SLC16A1: variants seen among roughly 807,000 people sequenced by gnomAD.
The protein encoded by SLC16A1 is solute carrier family 16 member 1, also known as monocarboxylate transporter 1.
Under a neutral mutation model 32.2 loss-of-function variants are expected in SLC16A1, and 11 were observed. That is an observed-to-expected ratio of 0.34 (90% CI 0.21 to 0.56). SLC16A1 has a LOEUF of 0.56. Among genes scored for constraint, SLC16A1 ranks in the 20% least tolerant of loss-of-function variants. The pLI is 0.87. For synonymous variants in SLC16A1, 231 were observed against 226.8 expected, an observed-to-expected ratio of 1.02 and a Z score of -0.17; for missense variants, 435 against 615.0, an observed-to-expected ratio of 0.71 and a Z score of 3.10.
chr1:112,923,260 G>A (rs1388318933), intron 2 of SLC16A1, among the ~76,000 whole-genome samples: 3 of 39,128 alleles, frequency 7.7e-5, no homozygotes, highest in African/African-American at 1.8e-4. Context: ...TGGAGGTTGC[G>A]GTGAGCCATT....
chr1:112,945,067 C>T (rs953922054), intron 1 of SLC16A1, among the ~76,000 whole-genome samples: 2 of 149,718 alleles, frequency 1.3e-5, no homozygotes, highest in African/African-American at 2.5e-5. Flanking sequence ...GGCGTGATCT[C>T]GGCTCATTGA....
chr1:112,946,824 A>C lies in SLC16A1; in HGVS notation c.-45+9211T>G, dbSNP rs1249918481. On this transcript the variant is annotated intron_variant, in intron 1 of 4. Coordinates refer to ENST00000369626, the MANE Select transcript of SLC16A1 (RefSeq NM_003051.4). The stretch of plus-strand genomic sequence containing the variant: ...CAACTCAGCCTCCCAAAGCGCTGGG[A>C]GAAAGAACTTATCAATCTTGTTTTC... 2.0e-5 allele frequency among the ~76,000 whole-genome samples: 3 copies of C among 152,224 alleles called. No individual in the cohort carries two copies. The East Asian group carries it at 5.8e-4, about 29-fold the overall frequency.
At chr1:112,931,263 G>A (rs1267930365) in intron 1 of SLC16A1, among the ~76,000 whole-genome samples, 1 of 151,984 alleles carries the variant, frequency 6.6e-6, no homozygotes, top group Admixed American at 6.6e-5. Flanking sequence ...TTTGATTCAA[G>A]GTATTTTTCC....
At chr1:112,915,418 A>G (rs1648466688) in intron 4 of SLC16A1, among the ~76,000 whole-genome samples, 1 of 152,176 alleles carries the variant, frequency 6.6e-6, no homozygotes, top group African/African-American at 2.4e-5. Context: ...TTGCTGGGGC[A>G]CAGAGAGCAG....
chr1:112,949,543 C>T (rs1277539308), intron 1 of SLC16A1, among the ~76,000 whole-genome samples: 6 of 152,146 alleles, frequency 3.9e-5, no homozygotes, highest in Non-Finnish European at 8.8e-5. Flanking sequence ...TGCCGTGTTG[C>T]TTCACAGGTT....
intron 3 of SLC16A1, among the ~76,000 whole-genome samples, chr1:112,919,309 C>T (rs1403264420): frequency 6.6e-6 from 1 of 152,182 alleles, no homozygotes; most frequent in Non-Finnish European, 1.5e-5. Flanking sequence ...GCTGGGATTA[C>T]AGGCGTAAGC....
chr1:112,924,120 G>A (rs951296191), intron 2 of SLC16A1: 81 of 1,389,896 alleles, frequency 5.8e-5, no homozygotes, highest in Non-Finnish European at 7.9e-5. Context: ...CGCGTATGGC[G>A]CCAGCGCCCC....
chr1:112,942,955 C>A (rs1240701287), intron 1 of SLC16A1, among the ~76,000 whole-genome samples: 1 of 151,198 alleles, frequency 6.6e-6, no homozygotes, highest in East Asian at 1.9e-4. Flanking sequence ...TATGCACGCA[C>A]TTGTGTGTAT....
intron 3 of SLC16A1, 127 bp downstream of exon 3, chr1:112,921,863 C>T: frequency 1.7e-6 from 2 of 1,172,036 alleles, no homozygotes; most frequent in Non-Finnish European, 2.5e-6. Context: ...TCTAGTTCTT[C>T]AAAATGATAA....
intron 4 of SLC16A1, among the ~76,000 whole-genome samples, chr1:112,916,876 C>T (rs994293182): frequency 1.3e-5 from 2 of 152,116 alleles, no homozygotes; most frequent in Non-Finnish European, 2.9e-5. Flanking sequence ...TTGCAGTGAG[C>T]TGAGATGGTG....
At chr1:112,948,430 C>A (rs983305685) in intron 1 of SLC16A1, among the ~76,000 whole-genome samples, 10 of 152,028 alleles carry the variant, frequency 6.6e-5, no homozygotes, top group Admixed American at 6.5e-4. Flanking sequence ...GACTATGCTG[C>A]CATTAAGATA....
chr1:112,949,110 A>G (rs1341740421), intron 1 of SLC16A1, among the ~76,000 whole-genome samples: 1 of 147,530 alleles, frequency 6.8e-6, no homozygotes, highest in Non-Finnish European at 1.5e-5. Flanking sequence ...CCTGCCTCGC[A>G]CTCCCAAAGT....
intron 1 of SLC16A1, among the ~76,000 whole-genome samples, chr1:112,945,035 G>C (rs1165457504): frequency 7.3e-6 from 1 of 137,102 alleles, no homozygotes; most frequent in South Asian, 2.4e-4. Flanking sequence ...GTCTCTCTCT[G>C]TCACCCAGGC....
chr1:112,940,790 T>A (rs983247953), intron 1 of SLC16A1, among the ~76,000 whole-genome samples: 1 of 152,188 alleles, frequency 6.6e-6, no homozygotes, highest in Non-Finnish European at 1.5e-5. Flanking sequence ...GATGTCAAAT[T>A]TACTATTTTT....
At chr1:112,922,280 A>T in intron 2 of SLC16A1, 147 bp from the exon 3 acceptor site, 1 of 722,938 alleles carries the variant, frequency 1.4e-6, no homozygotes, top group Non-Finnish European at 2.3e-6. Context: ...TCTGAGTCAC[A>T]TGTGTACTAA....
chr1:112,951,825 C>T (rs1182893700), intron 1 of SLC16A1, among the ~76,000 whole-genome samples: 1 of 152,092 alleles, frequency 6.6e-6, no homozygotes, highest in African/African-American at 2.4e-5. Context: ...AATAACATAG[C>T]ATATTGTATT....
intron 3 of SLC16A1, among the ~76,000 whole-genome samples, chr1:112,918,618 T>C (rs79226673): frequency 6.6e-6 from 1 of 152,078 alleles, no homozygotes; most frequent in Non-Finnish European, 1.5e-5. Context: ...TTGGGCAGCA[T>C]AGCAAGACCT....
intron 2 of SLC16A1, among the ~76,000 whole-genome samples, chr1:112,924,621 T>C (rs1570626663): frequency 3.9e-5 from 6 of 151,944 alleles, no homozygotes; most frequent in East Asian, 1.9e-4. Context: ...AAGACAAAAA[T>C]GCATGATCAT....
chr1:112,913,991 A>C lies in SLC16A1; in HGVS notation c.1403T>G (p.Ile468Arg). ...TTCATTTGGCTTCCCAGCAACATCT[A>C]TACTGGTCTCTTCCTCTTTACTTTC... ...KKESKEEETS[I>R]DVAGKPNEVT... is the part of the protein sequence containing the mutation. Residue 468 changes from isoleucine (I) to arginine (R), a missense_variant, in exon 5 of 5, where the codon ATA (isoleucine) becomes AGA (arginine). Ile to Arg is a moderately conservative substitution (Grantham distance 97). Coordinates refer to ENST00000369626, the MANE Select transcript of SLC16A1 (RefSeq NM_003051.4). 1 of 1,614,158 alleles carries C rather than the reference A, an allele frequency of 6.2e-7. No homozygotes were observed. Among genetic ancestry groups the C allele is most frequent in the Non-Finnish European group, 8.5e-7 (1 of 1,180,018 alleles).
Sources: gnomAD v4.1 joint callset for allele counts (sites outside exome capture counted in the v4.1 genomes callset) on GRCh38, gnomAD v4.1.1 for gene constraint, MANE v1.5 for transcripts, NCBI Gene and HGNC (gene_info 2026-07-23, HGNC 2026-07-21) for gene names.